The following THSD7B variants were observed in gnomAD, a reference collection of about 807,000 sequenced individuals.
The protein encoded by THSD7B is thrombospondin type-1 domain-containing protein 7B.
Under a neutral mutation model 213.6 loss-of-function variants are expected in THSD7B, and 138 were observed. The ratio of observed to expected loss-of-function variants is 0.65; its 90% CI spans 0.56 to 0.74. The LOEUF is 0.74. Ranked by LOEUF, THSD7B falls within the 30% of genes least tolerant of loss-of-function variation. The pLI, the probability that THSD7B is intolerant of heterozygous loss-of-function variation, is 0.00. For synonymous variants in THSD7B, 742 were observed against 687.0 expected (o/e 1.08, Z -1.25); for missense variants, 1,931 against 1,991.5 (o/e 0.97, Z 0.58).
intron 6 of THSD7B, among the ~76,000 whole-genome samples, chr2:137,164,196 G>C (rs75399226): frequency 0.022 from 3,298 of 152,226 alleles, 67 homozygotes; most frequent in African/African-American, 0.05. Flanking sequence ...AGTAGCTTAA[G>C]AGCACTAGAT....
At chr2:137,646,196 A>G (rs1472848804) in intron 21 of THSD7B, among the ~76,000 whole-genome samples, 1 of 152,294 alleles carries the variant, frequency 6.6e-6, no homozygotes, top group East Asian at 1.9e-4. Flanking sequence ...GGAATTCAGA[A>G]GTGGAGTTAT....
chr2:136,947,286 TAGAC>T (rs1431666649), intron 2 of THSD7B, among the ~76,000 whole-genome samples: 2 of 152,228 alleles, frequency 1.3e-5, no homozygotes, highest in Non-Finnish European at 2.9e-5. Flanking sequence ...ATGGTAATGA[TAGAC>T]AGTTTGAAAT....
intron 10 of THSD7B, among the ~76,000 whole-genome samples, chr2:137,265,662 T>G (rs935827834): frequency 1.3e-5 from 2 of 152,226 alleles, no homozygotes; most frequent in African/African-American, 4.8e-5. Context: ...ATTTTAAGAA[T>G]AGCAGTGCAG....
At chr2:136,899,165 T>C (rs908548631) in intron 2 of THSD7B, among the ~76,000 whole-genome samples, 2 of 152,190 alleles carry the variant, frequency 1.3e-5, no homozygotes, top group African/African-American at 4.8e-5. Flanking sequence ...CGAGAGGACC[T>C]GGTTCAAATA....
intron 12 of THSD7B, among the ~76,000 whole-genome samples, chr2:137,389,402 A>ACTTTTTTTTTTTT (rs1685967896): frequency 2.6e-5 from 1 of 38,052 alleles, no homozygotes. Flanking sequence ...TCTTAATGTG[A>ACTTTTTTTTTTTT]TTTTTTTTTT....
intron 15 of THSD7B, among the ~76,000 whole-genome samples, chr2:137,509,968 G>A (rs1679925832): frequency 6.6e-6 from 1 of 151,876 alleles, no homozygotes; most frequent in African/African-American, 2.4e-5. Context: ...TGTTCGTTTG[G>A]TTTTAACATT....
intron 2 of THSD7B, among the ~76,000 whole-genome samples, chr2:137,024,659 A>C (rs1686511423): frequency 6.6e-6 from 1 of 152,142 alleles, no homozygotes; most frequent in South Asian, 2.1e-4. Context: ...TATTTAATAC[A>C]TAGCCCATGC....
chr2:137,336,219 G>A (rs2104900980), intron 12 of THSD7B, among the ~76,000 whole-genome samples: 1 of 152,202 alleles, frequency 6.6e-6, no homozygotes, highest in East Asian at 1.9e-4. Flanking sequence ...TTGTATTTAT[G>A]TCTGTTAAAT....
chr2:137,662,991 GGAGGCGGAGATTACAAT>G (rs150863279), intron 25 of THSD7B, among the ~76,000 whole-genome samples: 4,196 of 151,826 alleles, frequency 0.028, 214 homozygotes, highest in African/African-American at 0.095. Context: ...CTTGAACCTG[GGAGGCGGAGATTACAAT>G]GAGCTGAGAT....
intron 15 of THSD7B, among the ~76,000 whole-genome samples, chr2:137,482,979 G>A (rs1688340670): frequency 6.6e-6 from 1 of 152,192 alleles, no homozygotes. Flanking sequence ...AGCTTAATAA[G>A]AGGGAAAGAG....
intron 1 of THSD7B, among the ~76,000 whole-genome samples, chr2:136,820,182 G>T (rs1053680979): frequency 2.0e-5 from 3 of 152,162 alleles, no homozygotes; most frequent in African/African-American, 7.2e-5. Flanking sequence ...TATTTTCTGT[G>T]ATATCCCTAA....
intron 2 of THSD7B, among the ~76,000 whole-genome samples, chr2:136,904,811 A>AG (rs1684129808): frequency 4.0e-4 from 2 of 5,026 alleles, no homozygotes; most frequent in South Asian, 0.033. Flanking sequence ...GAGAATAAAA[A>AG]AAGAGAGAGA....
At chr2:137,019,192 C>T (rs1232800936) in intron 2 of THSD7B, among the ~76,000 whole-genome samples, 1 of 152,178 alleles carries the variant, frequency 6.6e-6, no homozygotes, top group African/African-American at 2.4e-5. Context: ...CATTCCAATC[C>T]ATGCCTCATC....
Position 136,860,982 on chromosome 2 carries a change from T to A in THSD7B, c.-35-21162T>A, listed in dbSNP as rs887939531. Among the ~76,000 whole-genome samples the A allele has an allele frequency of 2.0e-5, 3 of 152,276 alleles. No homozygotes were observed. The East Asian group carries it at 5.8e-4, about 29-fold the overall frequency. On this transcript the variant is annotated intron_variant, in intron 1 of 27. Transcript: ENST00000409968. ...TGTTGGTTTTGCCTAGAACGCTGTT[T>A]CGCAGATAGCTGCGTAGCTCACTTC...
intron 15 of THSD7B, among the ~76,000 whole-genome samples, chr2:137,451,875 C>T (rs1388671013): frequency 1.3e-5 from 2 of 151,858 alleles, no homozygotes; most frequent in African/African-American, 4.8e-5. Context: ...TTGGTAGATC[C>T]TCTGTAATTG....
chr2:137,270,115 C>T (rs954408707), intron 10 of THSD7B, among the ~76,000 whole-genome samples: 5 of 152,160 alleles, frequency 3.3e-5, no homozygotes, highest in Non-Finnish European at 7.4e-5. Context: ...GGCAAATGCC[C>T]CTCCATAGGA....
At chr2:137,673,923 T>A (rs762264553) in intron 27 of THSD7B, among the ~76,000 whole-genome samples, 58 of 152,214 alleles carry the variant, frequency 3.8e-4, no homozygotes, top group Non-Finnish European at 7.5e-4. Flanking sequence ...CTAATCCCAA[T>A]GATCCCCAGC....
intron 27 of THSD7B, among the ~76,000 whole-genome samples, chr2:137,669,694 G>A (rs2044433): frequency 0.62 from 94,090 of 151,914 alleles, 30,586 homozygotes; most frequent in South Asian, 0.75. Context: ...ATAGTCTATC[G>A]GTCTATAAAA....
chr2:137,057,477 T>C (rs1481145756), intron 3 of THSD7B, among the ~76,000 whole-genome samples: 1 of 152,164 alleles, frequency 6.6e-6, no homozygotes, highest in African/African-American at 2.4e-5. Flanking sequence ...GGATAAGTCA[T>C]ATATTTCCAC....
Sources: allele counts gnomAD v4.1 joint callset (sites outside exome capture counted in the v4.1 genomes callset), GRCh38; gene constraint gnomAD v4.1.1; transcripts MANE v1.5; gene names NCBI Gene and HGNC (gene_info 2026-07-23, HGNC 2026-07-21).